Variants in SHB observed in about 807,000 individuals in gnomAD.
SHB encodes the protein SH2 domain containing adaptor protein B, also known as SH2 domain-containing adapter protein B.
SHB carries 20 observed loss-of-function variants against 52.3 expected under a neutral mutation model. The observed-to-expected ratio is 0.38, with a 90% confidence interval of 0.27 to 0.56. The LOEUF is 0.56. Ranked by LOEUF, SHB falls within the 20% of genes least tolerant of loss-of-function variation. The pLI, the probability that SHB is intolerant of heterozygous loss-of-function variation, is 0.71. For missense variants in SHB, 825 were observed against 723.3 expected, an observed-to-expected ratio of 1.14 and a Z score of -1.61; for synonymous variants, 397 against 316.5, an observed-to-expected ratio of 1.25 and a Z score of -2.70.
intron 1 of SHB, among the ~76,000 whole-genome samples, chr9:38,033,860 C>CG (rs75866862): frequency 1.2e-4 from 17 of 144,756 alleles, no homozygotes; most frequent in African/African-American, 4.6e-4. Flanking sequence ...ATCCTGACAC[C>CG]CCCCCAGCAC....
intron 1 of SHB, among the ~76,000 whole-genome samples, chr9:38,063,798 T>C (rs1424996013): frequency 6.8e-6 from 1 of 147,348 alleles, no homozygotes; most frequent in Admixed American, 6.7e-5. Context: ...GCTGGATGTT[T>C]TTTTTTTTTT....
chr9:37,985,154 T>C (rs546735705), intron 2 of SHB, among the ~76,000 whole-genome samples: 12 of 152,314 alleles, frequency 7.9e-5, no homozygotes, highest in African/African-American at 2.6e-4. Flanking sequence ...ATGGTCACCT[T>C]AGGAGCAGAG....
In SHB at chr9:37,935,368, C is replaced by T. The variant is rs557149935; in HGVS notation, c.1346+13267G>A. ...CTCCCTGCGAGGTTGTGTTCGGCCT[C>T]GGTGGGGCATACGCCTTTAGTGCCA... On this transcript the variant is annotated intron_variant, in intron 5 of 5. Coordinates refer to ENST00000377707, the MANE Select transcript of SHB (RefSeq NM_003028.3). Among the ~76,000 whole-genome samples the T allele has an allele frequency of 3.9e-5, 6 of 152,312 alleles. No homozygotes were observed. The South Asian group carries it at 8.3e-4, about 21-fold the overall frequency.
At chr9:37,936,284 C>T (rs115793171) in intron 5 of SHB, among the ~76,000 whole-genome samples, 1 of 152,070 alleles carries the variant, frequency 6.6e-6, no homozygotes, top group Admixed American at 6.6e-5. Context: ...CCAGAAAACA[C>T]AAATCTAAAA....
intron 5 of SHB, among the ~76,000 whole-genome samples, chr9:37,929,044 G>A (rs1832282843): frequency 6.6e-6 from 1 of 152,258 alleles, no homozygotes; most frequent in African/African-American, 2.4e-5. Context: ...GGCTGGAGAG[G>A]GGGGTGGGCC....
intron 5 of SHB, among the ~76,000 whole-genome samples, chr9:37,943,429 G>C (rs931460723): frequency 6.6e-6 from 1 of 152,168 alleles, no homozygotes; most frequent in Non-Finnish European, 1.5e-5. Flanking sequence ...TCATTGGCTG[G>C]GCTGGAGAGG....
intron 5 of SHB, among the ~76,000 whole-genome samples, chr9:37,946,732 C>T (rs1832495626): frequency 6.6e-6 from 1 of 152,156 alleles, no homozygotes; most frequent in Non-Finnish European, 1.5e-5. Context: ...CTGATCCTTT[C>T]GTGGAGGCCC....
intron 1 of SHB, among the ~76,000 whole-genome samples, chr9:38,020,670 G>T (rs1259461575): frequency 6.6e-6 from 1 of 152,100 alleles, no homozygotes; most frequent in Non-Finnish European, 1.5e-5. Context: ...CTGTGCAGGG[G>T]GAGAGGGCTA....
chr9:37,944,252 G>A (rs1399982463), intron 5 of SHB, among the ~76,000 whole-genome samples: 3 of 152,336 alleles, frequency 2.0e-5, no homozygotes, highest in Non-Finnish European at 4.4e-5. Flanking sequence ...GTCACTGCAA[G>A]TGCAGAAAGT....
At position 38,004,308 on chromosome 9, in the gene SHB, AAGC is replaced by A. The variant is rs377297004; in HGVS notation, c.838+11700_838+11702del. 1.5e-3 allele frequency among the ~76,000 whole-genome samples: 225 copies of A among 152,270 alleles called. 7 individuals carry two copies. The South Asian group carries it at 0.044, about 30-fold the overall frequency. ...GCCTTGAGCCACAGGCACCTGGGGA[AAGC>A]AGCAGATCGGGAGCCTGAAGCATGC... On this transcript the variant is annotated intron_variant, in intron 2 of 5. Transcript: ENST00000377707.
At chr9:38,004,567 G>A (rs1297556243) in intron 2 of SHB, among the ~76,000 whole-genome samples, 5 of 152,224 alleles carry the variant, frequency 3.3e-5, no homozygotes, top group Non-Finnish European at 7.3e-5. Flanking sequence ...ATTCACTTCA[G>A]GAAGTTGAGG....
At position 38,038,356 on chromosome 9, in the gene SHB, G is replaced by A. The variant is rs150842778; in HGVS notation, c.718-22225C>T. 2.4e-4 allele frequency among the ~76,000 whole-genome samples: 36 copies of A among 152,230 alleles called. No homozygotes were observed. The East Asian group carries it at 6.4e-3, about 27-fold the overall frequency. On this transcript the variant is annotated intron_variant, in intron 1 of 5. Transcript: ENST00000377707. The stretch of plus-strand genomic sequence containing the variant: ...TCTCCACGTGTGCACTGCACTTTGC[G>A]GTTCATAAAACACATCTGTGTCTGT...
At chr9:38,038,836 A>AC (rs1821525942) in intron 1 of SHB, among the ~76,000 whole-genome samples, 2 of 151,712 alleles carry the variant, frequency 1.3e-5, no homozygotes, top group African/African-American at 2.4e-5. Flanking sequence ...GGCAGGGGCC[A>AC]CCCCCCAGGG....
intron 5 of SHB, among the ~76,000 whole-genome samples, chr9:37,922,048 C>T (rs573942741): frequency 6.6e-6 from 1 of 152,314 alleles, no homozygotes; most frequent in African/African-American, 2.4e-5. Flanking sequence ...CACATCATTC[C>T]CCTCTGCGTG....
At chr9:38,046,941 G>A (rs1821659794) in intron 1 of SHB, among the ~76,000 whole-genome samples, 1 of 152,228 alleles carries the variant, frequency 6.6e-6, no homozygotes, top group African/African-American at 2.4e-5. Flanking sequence ...GGGGCCTGGT[G>A]AGAGAAAAGA....
intron 1 of SHB, among the ~76,000 whole-genome samples, chr9:38,061,607 A>C (rs1564113546): frequency 6.6e-6 from 1 of 152,202 alleles, no homozygotes; most frequent in Non-Finnish European, 1.5e-5. Flanking sequence ...TTGACTTTTA[A>C]AGCTAATTTT....
chr9:38,044,589 C>T (rs140576755), intron 1 of SHB, among the ~76,000 whole-genome samples: 2 of 152,324 alleles, frequency 1.3e-5, no homozygotes, highest in Non-Finnish European at 2.9e-5. Flanking sequence ...ATCAAAGCTG[C>T]TCTTTCCAAT....
chr9:38,030,659 A>G (rs542043129), intron 1 of SHB, among the ~76,000 whole-genome samples: 1 of 152,120 alleles, frequency 6.6e-6, no homozygotes, highest in South Asian at 2.1e-4. Context: ...GCCTGCCATC[A>G]CCATTTGGAA....
chr9:37,966,628 C>T (rs1820527895), intron 3 of SHB, among the ~76,000 whole-genome samples: 1 of 152,198 alleles, frequency 6.6e-6, no homozygotes, highest in East Asian at 1.9e-4. Context: ...TTGTTAATTT[C>T]CTCACAGGCT....
Sources: gnomAD v4.1 joint callset for allele counts (sites outside exome capture counted in the v4.1 genomes callset) on GRCh38, gnomAD v4.1.1 for gene constraint, MANE v1.5 for transcripts, NCBI Gene and HGNC (gene_info 2026-07-23, HGNC 2026-07-21) for gene names.